Variants in GAS7 observed in about 807,000 individuals in gnomAD.
The protein encoded by GAS7 is growth arrest specific 7, also known as growth arrest-specific protein 7.
GAS7 carries 28 observed loss-of-function variants against 71.1 expected under a neutral mutation model. The ratio of observed to expected loss-of-function variants is 0.39; its 90% CI spans 0.29 to 0.54. The LOEUF (loss-of-function observed/expected upper bound fraction) is 0.54. Ranked by LOEUF, GAS7 falls within the 20% of genes least tolerant of loss-of-function variation. GAS7 has a pLI of 0.62. For missense variants in GAS7, 436 were observed against 627.8 expected (o/e 0.69, Z 3.27); for synonymous variants, 258 against 245.8 (o/e 1.05, Z -0.46).
At chr17:10,037,097 G>T (rs755695446) in intron 1 of GAS7, among the ~76,000 whole-genome samples, 2 of 152,242 alleles carry the variant, frequency 1.3e-5, no homozygotes, top group Non-Finnish European at 2.9e-5. Flanking sequence ...GAAAGCTGGT[G>T]CCTCCAGAGG....
chr17:9,959,056 A>G lies in GAS7; in HGVS notation c.525+146T>C. On this transcript the variant is annotated intron_variant, in intron 5 of 13. Transcript: ENST00000432992. The surrounding 1 kb of genome is among the most constrained non-coding windows in gnomAD (Gnocchi z 5.0). ...GGTGGGAGGGGCATGTGGATGGGGA[A>G]CTTGAGTGAAATCCGAGCTTTGGAA... The G allele has an allele frequency of 7.6e-7, 1 of 1,323,878 alleles. No homozygotes were observed. Among genetic ancestry groups the G allele is most frequent in the Admixed American group, 2.8e-5 (1 of 36,306 alleles). 82.0% of individuals were successfully genotyped at this position (1,323,878 alleles called of 1,614,324 possible). A position where few individuals can be genotyped will look rare whatever the true frequency, so the allele number is the denominator to read the frequency against.
chr17:10,109,874 TA>T (rs975065740), intron 1 of GAS7, among the ~76,000 whole-genome samples: 2 of 151,954 alleles, frequency 1.3e-5, no homozygotes, highest in Non-Finnish European at 2.9e-5. Flanking sequence ...GCCAACGTGG[TA>T]AAACCCCCTC....
At chr17:9,937,790 C>T (rs183261133) in intron 8 of GAS7, among the ~76,000 whole-genome samples, 234 of 152,314 alleles carry the variant, frequency 1.5e-3, no homozygotes, top group African/African-American at 5.3e-3. Flanking sequence ...CTTCCTTCCT[C>T]GGGGGTTCAC....
chr17:10,093,256 C>T (rs1255287154), intron 1 of GAS7, among the ~76,000 whole-genome samples: 1 of 152,136 alleles, frequency 6.6e-6, no homozygotes, highest in African/African-American at 2.4e-5. Flanking sequence ...TATCTAATAT[C>T]CTGAGCCTTT....
In GAS7 at chr17:9,969,472, C is replaced by T. The variant is rs1597576952; in HGVS notation, c.471+205G>A. Among the ~76,000 whole-genome samples, 1 of 152,170 alleles carries T rather than the reference C, an allele frequency of 6.6e-6. No homozygotes were observed. Among genetic ancestry groups the T allele is most frequent in the South Asian group, 2.1e-4 (1 of 4,830 alleles). ...GTCAACCCCTCCTCCAAACCACCCT[C>T]GACTTCTAGAAAACCAACAGACCAC... On this transcript the variant is annotated intron_variant, in intron 4 of 13. Coordinates refer to ENST00000432992, the MANE Select transcript of GAS7 (RefSeq NM_201433.2). This position sits in a 1 kb window ranked among gnomAD's most constrained non-coding sequence, Gnocchi z 5.5.
intron 1 of GAS7, among the ~76,000 whole-genome samples, chr17:10,131,160 C>G (rs1459834796): frequency 1.3e-5 from 2 of 152,224 alleles, no homozygotes; most frequent in African/African-American, 4.8e-5. Flanking sequence ...CCCAGCGTGC[C>G]TCTTGCCACA....
intron 1 of GAS7, among the ~76,000 whole-genome samples, chr17:10,158,999 GCAGTGAGCCAAGAT>G: frequency 6.9e-6 from 1 of 144,540 alleles, no homozygotes; most frequent in Admixed American, 7.2e-5. Flanking sequence ...AGTGGAGGCT[GCAGTGAGCCAAGAT>G]CACACCACTG....
At chr17:10,158,342 A>AC (rs1394141634) in intron 1 of GAS7, among the ~76,000 whole-genome samples, 8,292 of 142,108 alleles carry the variant, frequency 0.058, 276 homozygotes, top group South Asian at 0.11. Flanking sequence ...TTGGTAAAAA[A>AC]AAAAAAAAAA....
chr17:10,116,503 T>G (rs2073862847), intron 1 of GAS7, among the ~76,000 whole-genome samples: 2 of 152,076 alleles, frequency 1.3e-5, no homozygotes, highest in South Asian at 2.1e-4. Context: ...CTGGCCGGGC[T>G]GCTCACAGCC....
intron 2 of GAS7, among the ~76,000 whole-genome samples, chr17:9,995,660 A>G (rs1309950421): frequency 1.3e-5 from 2 of 152,174 alleles, no homozygotes; most frequent in Non-Finnish European, 2.9e-5. Flanking sequence ...GATAACCCCT[A>G]TCTAACCAGG....
chr17:9,994,313 G>A (rs1164158781), intron 2 of GAS7, among the ~76,000 whole-genome samples: 3 of 149,216 alleles, frequency 2.0e-5, no homozygotes, highest in Non-Finnish European at 3.0e-5. Flanking sequence ...AAACAGCATG[G>A]TACTGGTACC....
Position 10,019,882 on chromosome 17 carries a change from G to T in GAS7, c.199C>A (p.Pro67Thr). The T allele has an allele frequency of 1.9e-6, 3 of 1,613,838 alleles. No individual in the cohort carries two copies. Among genetic ancestry groups the T allele is most frequent in the Non-Finnish European group, 2.5e-6 (3 of 1,179,910 alleles). The change falls in exon 2 of 14, where the codon CCC becomes ACC. Residue 67 changes from proline (P) to threonine (T), a missense_variant. By Grantham distance (38) the Pro-to-Thr change is conservative. Transcript: ENST00000432992. Reference protein sequence around the residue: ...VQLLEKPGMVPPPPGEESQTV... With the variant: ...VQLLEKPGMVTPPPGEESQTV... ...TGGCTTTCTTCTCCCGGCGGAGGGGGGACCATTCCAGGCTTCTGTTGGAGA... is the reference window on the plus strand; with the variant it reads ...TGGCTTTCTTCTCCCGGCGGAGGGGTGACCATTCCAGGCTTCTGTTGGAGA...
chr17:10,139,959 A>G (rs2074067485), intron 1 of GAS7, among the ~76,000 whole-genome samples: 1 of 152,148 alleles, frequency 6.6e-6, no homozygotes, highest in Non-Finnish European at 1.5e-5. Context: ...GGATACCCAC[A>G]CTATCAAAGT....
rs536981773 is a variant in GAS7 at position 10,021,072 on chromosome 17, A to G, written c.184-1175T>C. On this transcript the variant is annotated intron_variant, in intron 1 of 13. Coordinates refer to ENST00000432992, the MANE Select transcript of GAS7 (RefSeq NM_201433.2). ...AAATAAAAGTTGTTAGCTAAAGAAC[A>G]TTTTAAAATTAGGACAGAGAGTCCA... Among the ~76,000 whole-genome samples the G allele has an allele frequency of 3.3e-5, 5 of 152,344 alleles. No individual in the cohort carries two copies. In the East Asian group the frequency reaches 9.6e-4, roughly 29 times the overall value.
intron 1 of GAS7, among the ~76,000 whole-genome samples, chr17:10,174,641 G>A (rs1230088132): frequency 2.0e-5 from 3 of 152,018 alleles, no homozygotes; most frequent in Admixed American, 6.5e-5. Flanking sequence ...GCAGTGAGCT[G>A]AGATCGCACC....
chr17:10,035,854 T>G (rs2072735605), intron 1 of GAS7, among the ~76,000 whole-genome samples: 1 of 152,156 alleles, frequency 6.6e-6, no homozygotes, highest in African/African-American at 2.4e-5. Context: ...GGAAGCACAG[T>G]GCATTACTGG....
At chr17:10,011,229 T>G (rs1479233067) in intron 2 of GAS7, among the ~76,000 whole-genome samples, 1 of 152,184 alleles carries the variant, frequency 6.6e-6, no homozygotes, top group Non-Finnish European at 1.5e-5. Context: ...CTGTTTTGCT[T>G]GGTACCTCAC....
intron 1 of GAS7, among the ~76,000 whole-genome samples, chr17:10,159,079 T>TATATATATA (rs2074230073): frequency 8.7e-6 from 1 of 115,094 alleles, no homozygotes; most frequent in African/African-American, 3.4e-5. Context: ...TATATATATA[T>TATATATATA]ATATATATAT....
intron 2 of GAS7, among the ~76,000 whole-genome samples, chr17:9,988,891 C>G (rs2070739005): frequency 6.7e-6 from 1 of 150,256 alleles, no homozygotes; most frequent in Non-Finnish European, 1.5e-5. Flanking sequence ...CTCTGTTGCC[C>G]AGACCGGAGT....
Sources: allele counts gnomAD v4.1 joint callset (sites outside exome capture counted in the v4.1 genomes callset), GRCh38; gene constraint gnomAD v4.1.1; non-coding constraint Gnocchi (gnomAD v3.1); transcripts MANE v1.5; gene names NCBI Gene and HGNC (gene_info 2026-07-23, HGNC 2026-07-21).